PPP1R42: variants seen among roughly 807,000 people sequenced by gnomAD.
The protein encoded by PPP1R42 is leucine rich repeat containing 67.
Under a neutral mutation model 31.0 loss-of-function variants are expected in PPP1R42, and 34 were observed. That is an observed-to-expected ratio of 1.10 (90% CI 0.83 to 1.46). PPP1R42 has a LOEUF of 1.46. Among genes scored for constraint, PPP1R42 ranks in the 40% most tolerant of loss-of-function variants. The pLI, the probability that PPP1R42 is intolerant of heterozygous loss-of-function variation, is 0.00. For missense variants in PPP1R42, 268 were observed against 303.0 expected (o/e 0.88, Z 0.86); for synonymous variants, 103 against 109.8 (o/e 0.94, Z 0.39).
At chr8:67,026,267 G>A (rs1816394079) in intron 1 of PPP1R42, among the ~76,000 whole-genome samples, 2 of 151,962 alleles carry the variant, frequency 1.3e-5, no homozygotes, top group African/African-American at 2.4e-5. Flanking sequence ...GTACCCAGGA[G>A]GCAGAGGTTG....
At chr8:66,995,785 A>T (rs908533870) in intron 5 of PPP1R42, among the ~76,000 whole-genome samples, 4 of 152,232 alleles carry the variant, frequency 2.6e-5, no homozygotes. Context: ...TAGGGTTTAT[A>T]ACAAAACTTA....
At chr8:66,985,497 C>T in intron 6 of PPP1R42, 1 of 1,140,644 alleles carries the variant, frequency 8.8e-7, no homozygotes, top group South Asian at 1.3e-5. Context: ...TTAACTCCCC[C>T]TTTGGGGAAG....
intron 5 of PPP1R42, among the ~76,000 whole-genome samples, chr8:66,998,134 A>G (rs1815386194): frequency 6.6e-6 from 1 of 152,202 alleles, no homozygotes; most frequent in Admixed American, 6.5e-5. Flanking sequence ...AAACCAGAAA[A>G]AAAGTCTATT....
At chr8:66,970,800 T>C in intron 7 of PPP1R42, 1 of 617,734 alleles carries the variant, frequency 1.6e-6, no homozygotes, top group South Asian at 1.5e-5. Flanking sequence ...CGTAACTTTC[T>C]GAGTGTTTGG....
At chr8:66,966,396 G>A (rs919847624) in intron 7 of PPP1R42, among the ~76,000 whole-genome samples, 28 of 152,210 alleles carry the variant, frequency 1.8e-4, no homozygotes, top group African/African-American at 5.3e-4. Context: ...ACTGTGTGAC[G>A]TTGGGTCCTT....
intron 5 of PPP1R42, among the ~76,000 whole-genome samples, chr8:67,004,583 G>A (rs1351206243): frequency 6.6e-6 from 1 of 151,770 alleles, no homozygotes; most frequent in Non-Finnish European, 1.5e-5. Context: ...ATTTCTAAGT[G>A]CTCTGTTATT....
At position 67,017,840 on chromosome 8, in the gene PPP1R42, T is replaced by A; in HGVS notation, c.-84-9A>T. On this transcript the variant is annotated splice_polypyrimidine_tract_variant and intron_variant, in intron 1 of 7. Coordinates refer to ENST00000685739, the MANE Select transcript of PPP1R42 (RefSeq NM_001364910.1). Reference sequence around the variant, plus strand: ...GTATTATTTCCAACTTTCTGAAGATTAAAGAAAAAAGGAGCATTATGATAT... The same window carrying A: ...GTATTATTTCCAACTTTCTGAAGATAAAAGAAAAAAGGAGCATTATGATAT... The A allele has an allele frequency of 3.0e-6, 4 of 1,354,696 alleles. No individual in the cohort carries two copies. Among genetic ancestry groups the A allele is most frequent in the Admixed American group, 2.9e-5 (1 of 34,210 alleles). 83.9% of individuals were successfully genotyped at this position (1,354,696 alleles called of 1,614,324 possible). A position where few individuals can be genotyped will look rare whatever the true frequency, so the allele number is the denominator to read the frequency against.
intron 1 of PPP1R42, 65 bp from the exon 2 acceptor site, chr8:67,017,896 T>G (rs1163007433): frequency 1.3e-6 from 1 of 797,650 alleles, no homozygotes; most frequent in African/African-American, 1.8e-5. Flanking sequence ...TTATTCTGAC[T>G]TACTCTTTAA....
chr8:66,984,779 G>C (rs565454906), intron 6 of PPP1R42: 447 of 1,608,498 alleles, frequency 2.8e-4, no homozygotes, highest in Non-Finnish European at 3.5e-4. Context: ...CCTAATACTC[G>C]CATCAAATTA....
intron 7 of PPP1R42, chr8:66,970,853 G>T: frequency 6.5e-6 from 5 of 774,948 alleles, no homozygotes; most frequent in Non-Finnish European, 8.7e-6. Context: ...TTCTATGTTT[G>T]GCCAAAAAGG....
intron 5 of PPP1R42, among the ~76,000 whole-genome samples, chr8:67,004,469 T>C (rs1055093819): frequency 2.0e-5 from 3 of 152,240 alleles, no homozygotes; most frequent in African/African-American, 7.2e-5. Context: ...AGTTTCTTTT[T>C]TACTTGCTTA....
chr8:67,026,064 G>A (rs554021253), intron 1 of PPP1R42, among the ~76,000 whole-genome samples: 20 of 151,602 alleles, frequency 1.3e-4, no homozygotes, highest in African/African-American at 4.1e-4. Flanking sequence ...GGCCGGGCGC[G>A]GTGGCTCATG....
At chr8:66,993,973 AAG>A (rs771007364) in intron 5 of PPP1R42, among the ~76,000 whole-genome samples, 26 of 152,160 alleles carry the variant, frequency 1.7e-4, no homozygotes, top group Non-Finnish European at 2.6e-4. Flanking sequence ...CAGACATGGA[AAG>A]AGAGAGAAAA....
At chr8:66,996,406 A>G (rs764960833) in intron 5 of PPP1R42, among the ~76,000 whole-genome samples, 3 of 152,210 alleles carry the variant, frequency 2.0e-5, no homozygotes, top group Non-Finnish European at 2.9e-5. Context: ...CAGCTAAACT[A>G]CATAGTACAC....
At chr8:66,991,684 T>C (rs1300865755) in intron 5 of PPP1R42, among the ~76,000 whole-genome samples, 2 of 152,198 alleles carry the variant, frequency 1.3e-5, no homozygotes, top group Non-Finnish European at 2.9e-5. Context: ...GGTTAAGTAG[T>C]TCTTTTGTTC....
intron 6 of PPP1R42, chr8:66,984,315 A>T (rs1030694779): frequency 7.7e-7 from 1 of 1,296,912 alleles, no homozygotes; most frequent in African/African-American, 1.5e-5. Context: ...TTTTCTTCAC[A>T]GCTTCCTCAT....
intron 5 of PPP1R42, among the ~76,000 whole-genome samples, chr8:66,998,975 G>A (rs113416256): frequency 0.035 from 5,292 of 151,986 alleles, 188 homozygotes; most frequent in African/African-American, 0.079. Flanking sequence ...CTGTTCATAG[G>A]GTATATTGCT....
intron 1 of PPP1R42, 125 bp from the exon 2 acceptor site, chr8:67,017,956 T>G (rs1198404939): frequency 2.5e-6 from 1 of 401,022 alleles, no homozygotes; most frequent in African/African-American, 2.1e-5. Flanking sequence ...TAGACATTTT[T>G]AGGGGCACTG....
At chr8:66,987,906 A>G (rs991405403) in intron 6 of PPP1R42, among the ~76,000 whole-genome samples, 1 of 152,184 alleles carries the variant, frequency 6.6e-6, no homozygotes, top group African/African-American at 2.4e-5. Flanking sequence ...TATGGTGCAC[A>G]TTCAGGAATG....
Sources: gnomAD v4.1 joint callset for allele counts (sites outside exome capture counted in the v4.1 genomes callset) on GRCh38, gnomAD v4.1.1 for gene constraint, MANE v1.5 for transcripts, NCBI Gene and HGNC (gene_info 2026-07-23, HGNC 2026-07-21) for gene names.